Variants in SLC4A5 observed in about 807,000 individuals in gnomAD.
The protein encoded by SLC4A5 is electrogenic sodium bicarbonate cotransporter 4.
Under a neutral mutation model 120.4 loss-of-function variants are expected in SLC4A5, and 96 were observed. The ratio of observed to expected loss-of-function variants is 0.80; its 90% CI spans 0.68 to 0.94. The LOEUF (loss-of-function observed/expected upper bound fraction) is 0.94, where lower values mean the gene tolerates loss of function less well. Ranked by LOEUF, SLC4A5 falls within the 40% of genes least tolerant of loss-of-function variation. The probability of loss-of-function intolerance (pLI) is 0.00; values close to 1 mark genes in which losing one functional copy is unlikely to be tolerated. For synonymous variants in SLC4A5, 550 were observed against 571.1 expected (o/e 0.96, Z 0.53); for missense variants, 1,259 against 1,459.5 (o/e 0.86, Z 2.24).
Position 74,250,591 on chromosome 2 carries a change from T to A in SLC4A5, c.1479-74A>T. On this transcript the variant is annotated intron_variant, in intron 16 of 30. Transcript: ENST00000394019. ...CAGGGGCAGGGCTATTTACAAGAACTTGCAGAGTCTGGGGCGAGGAAAGGA... is the reference window on the plus strand; with the variant it reads ...CAGGGGCAGGGCTATTTACAAGAACATGCAGAGTCTGGGGCGAGGAAAGGA... 3 of 1,565,970 alleles carry A rather than the reference T, an allele frequency of 1.9e-6. No homozygotes were observed. The East Asian group carries it at 6.7e-5, about 35-fold the overall frequency.
intron 2 of SLC4A5, among the ~76,000 whole-genome samples, chr2:74,340,926 A>G (rs1673609274): frequency 6.6e-6 from 1 of 152,190 alleles, no homozygotes; most frequent in Admixed American, 6.5e-5. Flanking sequence ...TATTAAAATG[A>G]GACTGAGACC....
chr2:74,257,105 G>A (rs1483880146), intron 12 of SLC4A5, among the ~76,000 whole-genome samples: 2 of 152,226 alleles, frequency 1.3e-5, no homozygotes, highest in East Asian at 1.9e-4. Context: ...TGGTCAACAG[G>A]TCCTGCCATT....
chr2:74,217,314 G>C (rs1694475259), exon 31 of SLC4A5: 2 of 152,112 alleles, frequency 1.3e-5, no homozygotes, highest in Admixed American at 1.3e-4. Context: ...AAATCAACAT[G>C]GTTGGTGTTC....
intron 11 of SLC4A5, 58 bp from the exon 12 acceptor site, chr2:74,259,701 T>C: frequency 6.5e-7 from 1 of 1,538,108 alleles, no homozygotes; most frequent in Non-Finnish European, 9.0e-7. Context: ...CAGGTCCCTT[T>C]CCTATGGGCC....
intron 26 of SLC4A5, chr2:74,227,503 A>G (rs896553296): frequency 6.2e-7 from 1 of 1,610,646 alleles, no homozygotes; most frequent in Non-Finnish European, 8.5e-7. Context: ...AGAGAGGTAC[A>G]GTGAAATGCT....
chr2:74,241,949 C>A (rs781399441), intron 20 of SLC4A5, 45 bp downstream of exon 20: 1 of 1,572,148 alleles, frequency 6.4e-7, no homozygotes, highest in East Asian at 2.3e-5. Context: ...CCTCCTCCTA[C>A]AAACAAAAGC....
chr2:74,234,467 G>A (rs1034221394), intron 22 of SLC4A5, among the ~76,000 whole-genome samples: 12 of 152,174 alleles, frequency 7.9e-5, no homozygotes, highest in Non-Finnish European at 1.6e-4. Flanking sequence ...GTGAGCCACC[G>A]CACCTGGCCG....
chr2:74,263,600 G>C (rs1250865087), intron 10 of SLC4A5, among the ~76,000 whole-genome samples: 1 of 151,802 alleles, frequency 6.6e-6, no homozygotes, highest in Non-Finnish European at 1.5e-5. Flanking sequence ...GCTAATCAGA[G>C]TGACATCAGC....
At chr2:74,294,441 A>G (rs779391059) in intron 7 of SLC4A5, among the ~76,000 whole-genome samples, 1 of 152,212 alleles carries the variant, frequency 6.6e-6, no homozygotes, top group Non-Finnish European at 1.5e-5. Context: ...AAGAGTCTTC[A>G]ATTTGCATGT....
At chr2:74,315,997 A>C (rs1027881248) in intron 5 of SLC4A5, among the ~76,000 whole-genome samples, 4 of 152,136 alleles carry the variant, frequency 2.6e-5, no homozygotes, top group Non-Finnish European at 5.9e-5. Flanking sequence ...TGTATGATTT[A>C]ATTGAATCTT....
At chr2:74,335,836 A>G (rs1214307920) in intron 3 of SLC4A5, among the ~76,000 whole-genome samples, 1 of 152,242 alleles carries the variant, frequency 6.6e-6, no homozygotes, top group Non-Finnish European at 1.5e-5. Context: ...ATAAGACATC[A>G]TATTTCTGGA....
intron 6 of SLC4A5, among the ~76,000 whole-genome samples, chr2:74,306,525 G>C (rs892160303): frequency 6.6e-6 from 1 of 152,082 alleles, no homozygotes; most frequent in Non-Finnish European, 1.5e-5. Flanking sequence ...GCCACTTTTC[G>C]TGTTTCTTTC....
At chr2:74,252,116 G>A (rs2103991794) in intron 16 of SLC4A5, 63 bp downstream of exon 16, 2 of 1,549,742 alleles carry the variant, frequency 1.3e-6, no homozygotes, top group East Asian at 4.5e-5. Context: ...AGTCCCTAGA[G>A]GGCAGCTGAG....
chr2:74,314,457 G>A (rs540568662), intron 6 of SLC4A5, among the ~76,000 whole-genome samples: 5 of 152,278 alleles, frequency 3.3e-5, no homozygotes, highest in South Asian at 4.1e-4. Flanking sequence ...CTGGGGTAAC[G>A]ATGGCAGTAG....
intron 7 of SLC4A5, among the ~76,000 whole-genome samples, chr2:74,293,884 G>A (rs1244509589): frequency 3.3e-5 from 5 of 152,120 alleles, no homozygotes; most frequent in Non-Finnish European, 7.3e-5. Context: ...TAAGTGTAAA[G>A]GTTATAAAAG....
intron 8 of SLC4A5, among the ~76,000 whole-genome samples, chr2:74,269,375 G>GTTTT (rs951828130): frequency 1.6e-5 from 2 of 123,298 alleles, no homozygotes; most frequent in African/African-American, 7.0e-5. Context: ...CCGGCTGTTT[G>GTTTT]TTTTTTGTTT....
chr2:74,224,579 G>A (rs1296785788), intron 28 of SLC4A5, among the ~76,000 whole-genome samples: 1 of 152,166 alleles, frequency 6.6e-6, no homozygotes, highest in Non-Finnish European at 1.5e-5. Flanking sequence ...AGCCCACAGT[G>A]ATGGAAAGAG....
intron 8 of SLC4A5, among the ~76,000 whole-genome samples, chr2:74,285,410 G>C (rs891684895): frequency 2.6e-5 from 4 of 152,172 alleles, no homozygotes; most frequent in African/African-American, 9.7e-5. Context: ...GTTTCATATA[G>C]GTAGTTCCAC....
At chr2:74,332,470 C>A (rs1673386104) in intron 4 of SLC4A5, among the ~76,000 whole-genome samples, 1 of 152,192 alleles carries the variant, frequency 6.6e-6, no homozygotes, top group South Asian at 2.1e-4. Context: ...TATACCAGCT[C>A]CTCATGGCTT....
Sources: gnomAD v4.1 joint callset for allele counts (sites outside exome capture counted in the v4.1 genomes callset) on GRCh38, gnomAD v4.1.1 for gene constraint, MANE v1.5 for transcripts, NCBI Gene and HGNC (gene_info 2026-07-23, HGNC 2026-07-21) for gene names.